TMEM165: variants seen among roughly 807,000 people sequenced by gnomAD.
The protein encoded by TMEM165 is transmembrane protein 165.
TMEM165 carries 19 observed loss-of-function variants against 30.0 expected under a neutral mutation model. The ratio of observed to expected loss-of-function variants is 0.63; its 90% confidence interval spans 0.44 to 0.93. The LOEUF is 0.93. Ranked by LOEUF, TMEM165 falls within the 40% of genes least tolerant of loss-of-function variation. TMEM165 has a pLI of 0.00. For missense variants in TMEM165, 340 were observed against 417.0 expected, an observed-to-expected ratio of 0.82 and a Z score of 1.61; for synonymous variants, 168 against 162.9, an observed-to-expected ratio of 1.03 and a Z score of -0.24.
intron 3 of TMEM165, chr4:55,443,706 A>G (rs905737202): frequency 1.2e-6 from 2 of 1,614,030 alleles, no homozygotes; most frequent in Admixed American, 3.3e-5. Context: ...TGTACTCTGT[A>G]AAGTCTGTTG....
intron 3 of TMEM165, chr4:55,442,580 T>A: frequency 6.2e-7 from 1 of 1,612,484 alleles, no homozygotes; most frequent in Non-Finnish European, 8.5e-7. Flanking sequence ...GTGCTCTGTG[T>A]CTGACTGGGT....
At chr4:55,452,991 TTGAG>T in exon 4 of TMEM165, 1 of 1,142,858 alleles carries the variant, frequency 8.7e-7, no homozygotes, top group East Asian at 2.6e-5. Flanking sequence ...CTATTAATTA[TTGAG>T]TTTCATCTTT....
At chr4:55,403,180 A>T (rs1721104951) in intron 1 of TMEM165, 17 of 1,063,264 alleles carry the variant, frequency 1.6e-5, no homozygotes, top group Admixed American at 2.3e-5. Context: ...GTCTTCAGAT[A>T]ATCTCACCTC....
intron 2 of TMEM165, chr4:55,415,602 C>T (rs73236137): frequency 0.15 from 22,612 of 152,144 alleles, 2,025 homozygotes; most frequent in Non-Finnish European, 0.2. Flanking sequence ...AAAATATATG[C>T]TTGTATCCTG....
chr4:55,396,454 G>T lies in TMEM165; in HGVS notation c.207+58G>T. 8 of 1,316,356 alleles carry T rather than the reference G, an allele frequency of 6.1e-6. No homozygotes were observed. The African/African-American group carries it at 1.1e-4, about 18-fold the overall frequency. The allele number at this position is 1,316,356 out of a possible 1,614,324, so 81.5% of individuals were successfully genotyped here. On this transcript the variant is annotated intron_variant, in intron 1 of 5. Transcript: ENST00000381334. Reference sequence around the variant, plus strand: ...CAGGGCCGGCTGCGCCGAGTACCAGGCTCCAGGCCTTTGAAAGCGCCGCAC... The same window carrying T: ...CAGGGCCGGCTGCGCCGAGTACCAGTCTCCAGGCCTTTGAAAGCGCCGCAC...
rs546119185 is a variant in TMEM165, at chr4:55,412,130, C to T, written c.433+291C>T. Reference sequence around the variant, plus strand: ...ACAGTTAGGGCTGGGCACAGTCACTCACGCCTGTAATCCCAGCACTTTGGG... The same window carrying T: ...ACAGTTAGGGCTGGGCACAGTCACTTACGCCTGTAATCCCAGCACTTTGGG... On this transcript the variant is annotated intron_variant, in intron 2 of 5. Transcript: ENST00000381334. 1.2e-5 allele frequency: 5 copies of T among 418,206 alleles called. No homozygotes were observed. In the Admixed American group the frequency reaches 2.0e-4, roughly 17 times the overall value. The allele number at this position is 418,206 out of a possible 1,614,324, so 25.9% of individuals were successfully genotyped here.
At chr4:55,405,176 G>A (rs1721222283) in intron 1 of TMEM165, among the ~76,000 whole-genome samples, 1 of 151,860 alleles carries the variant, frequency 6.6e-6, no homozygotes, top group Admixed American at 6.6e-5. Flanking sequence ...GATAAATTTG[G>A]GCTGCCAGCA....
At chr4:55,409,160 A>T (rs1721385088) in intron 1 of TMEM165, among the ~76,000 whole-genome samples, 1 of 152,206 alleles carries the variant, frequency 6.6e-6, no homozygotes. Flanking sequence ...ATTGAGAGCC[A>T]GCTGTCAAGG....
rs182103196 is a variant in TMEM165 at position 55,406,559 on chromosome 4, G to A, written c.208-5055G>A. 3.3e-3 allele frequency among the ~76,000 whole-genome samples: 507 copies of A among 152,288 alleles called. 2 individuals are homozygous for A. The highest frequency in any genetic ancestry group is 0.011 in the African/African-American group (466 of 41,548). On this transcript the variant is annotated intron_variant, in intron 1 of 5. Coordinates refer to ENST00000381334, the MANE Select transcript of TMEM165 (RefSeq NM_018475.5). ...TATCTTAATGATTTTCTATATTAGT[G>A]TATAGAACATTCTTATTATTCTTTT...
downstream of TMEM165, chr4:55,428,126 A>G (rs1033396073): frequency 5.3e-5 from 8 of 152,222 alleles, no homozygotes; most frequent in Non-Finnish European, 1.0e-4. Context: ...CTCTTTTGCT[A>G]TAAGTTTAGG....
At chr4:55,422,711 C>T (rs1330220251) in intron 4 of TMEM165, among the ~76,000 whole-genome samples, 4 of 151,872 alleles carry the variant, frequency 2.6e-5, no homozygotes, top group East Asian at 1.9e-4. Context: ...TGCAGTGGCA[C>T]GATCTCAGCT....
Position 55,396,241 on chromosome 4 carries a change from C to A in TMEM165, c.52C>A (p.Leu18Met), listed in dbSNP as rs756276628. The A allele has an allele frequency of 2.4e-4, 364 of 1,496,596 alleles. No individual in the cohort carries two copies. The highest frequency in any genetic ancestry group is 6.9e-4 in the Middle Eastern group (4 of 5,816). 92.7% of individuals were successfully genotyped at this position (1,496,596 alleles called of 1,614,324 possible). A position where few individuals can be genotyped will look rare whatever the true frequency, so the allele number is the denominator to read the frequency against. Reference sequence around the variant, plus strand: ...CCGCGCATCGGCGCCCCGGCTGCTTCTGCTCTTTCTGGTTCCGCTGCTGTG... The same window carrying A: ...CCGCGCATCGGCGCCCCGGCTGCTTATGCTCTTTCTGGTTCCGCTGCTGTG... Reference protein sequence around the residue: ...NGRASAPRLLLLFLVPLLWAP... With the variant: ...NGRASAPRLLMLFLVPLLWAP... Residue 18 changes from leucine to methionine, a missense_variant, in exon 1 of 6, where the codon CTG becomes ATG. This residue lies in a region of TMEM165 where 120 missense variants were observed against 109.4 expected (regional missense o/e 1.10). Transcript: ENST00000381334.
intron 3 of TMEM165, among the ~76,000 whole-genome samples, chr4:55,435,841 G>C (rs1722836852): frequency 6.6e-6 from 1 of 152,166 alleles, no homozygotes; most frequent in African/African-American, 2.4e-5. Context: ...GGTATAGAAA[G>C]CAATCTATAT....
chr4:55,441,486 C>A (rs981204847), intron 3 of TMEM165, among the ~76,000 whole-genome samples: 1 of 152,084 alleles, frequency 6.6e-6, no homozygotes, highest in Non-Finnish European at 1.5e-5. Context: ...AACCTAAGTG[C>A]CCATCAACCA....
intron 3 of TMEM165, among the ~76,000 whole-genome samples, chr4:55,438,066 G>A (rs1359637057): frequency 1.3e-5 from 2 of 152,164 alleles, no homozygotes; most frequent in African/African-American, 4.8e-5. Context: ...TGATAACTGG[G>A]TATGCCCAAT....
At chr4:55,412,393 C>CA (rs371124857) in intron 2 of TMEM165, among the ~76,000 whole-genome samples, 1,437 of 54,038 alleles carry the variant, frequency 0.027, 159 homozygotes, top group African/African-American at 0.096. Flanking sequence ...GACTCCATCT[C>CA]AAAAAAAAAA....
At chr4:55,412,808 T>A (rs1721563586) in intron 2 of TMEM165, 1 of 152,148 alleles carries the variant, frequency 6.6e-6, no homozygotes, top group Admixed American at 6.5e-5. Flanking sequence ...TCATTGAATT[T>A]TCAAAGATAT....
At position 55,425,861 on chromosome 4, in the gene TMEM165, A is replaced by G. The variant is rs768461757; in HGVS notation, c.*409A>G. The G allele has an allele frequency of 1.3e-5, 2 of 153,768 alleles. No individual in the cohort carries two copies. The highest frequency in any genetic ancestry group is 6.5e-5 in the Admixed American group (1 of 15,326). The allele number at this position is 153,768 out of a possible 1,614,324, so 9.5% of individuals were successfully genotyped here. A position where few individuals can be genotyped will look rare whatever the true frequency, so the allele number is the denominator to read the frequency against. ...TTGGGGAAAGAATGAATTAATTTCT[A>G]TTTCTTAAAACATTTCCCTGAGCCA... On this transcript the variant is annotated 3_prime_UTR_variant, in exon 6 of 6. Transcript: ENST00000381334.
At chr4:55,422,501 G>T (rs376549215) in intron 4 of TMEM165, among the ~76,000 whole-genome samples, 1 of 152,216 alleles carries the variant, frequency 6.6e-6, no homozygotes, top group East Asian at 1.9e-4. Context: ...CAGGTGATCT[G>T]CCTGCCTCGG....
Sources: allele counts gnomAD v4.1 joint callset (sites outside exome capture counted in the v4.1 genomes callset), GRCh38; gene constraint gnomAD v4.1.1; regional missense constraint gnomAD v4.1.1; transcripts MANE v1.5; gene names NCBI Gene and HGNC (gene_info 2026-07-23, HGNC 2026-07-21).